Variants in PHACTR1 observed in about 807,000 individuals in gnomAD.
The protein encoded by PHACTR1 is RPEL repeat containing 1.
Under a neutral mutation model 69.2 loss-of-function variants are expected in PHACTR1, and 16 were observed. The observed-to-expected ratio is 0.23, with a 90% CI of 0.16 to 0.35. PHACTR1 has a LOEUF of 0.35. Ranked by LOEUF, PHACTR1 falls within the 10% of genes least tolerant of loss-of-function variation. PHACTR1 has a pLI of 1.00. For missense variants in PHACTR1, 510 were observed against 734.7 expected (o/e 0.69, Z 3.54); for synonymous variants, 312 against 284.5 (o/e 1.10, Z -0.97).
intron 4 of PHACTR1, among the ~76,000 whole-genome samples, chr6:12,826,376 C>T (rs752715349): frequency 2.6e-5 from 4 of 152,100 alleles, no homozygotes; most frequent in Admixed American, 6.5e-5. Flanking sequence ...TTTTTAGATG[C>T]GGTTACATAA....
At chr6:13,255,540 A>G (rs1775062436) in intron 10 of PHACTR1, among the ~76,000 whole-genome samples, 1 of 152,218 alleles carries the variant, frequency 6.6e-6, no homozygotes, top group Admixed American at 6.5e-5. Context: ...CTGCCTATGA[A>G]CCTGTAAAAT....
At chr6:12,902,525 T>G (rs1466258726) in intron 4 of PHACTR1, among the ~76,000 whole-genome samples, 1 of 152,182 alleles carries the variant, frequency 6.6e-6, no homozygotes, top group Non-Finnish European at 1.5e-5. Context: ...GTTCTTCCAT[T>G]GGATGAACAT....
chr6:12,728,028 A>C (rs1763017830), intron 3 of PHACTR1, among the ~76,000 whole-genome samples: 1 of 152,126 alleles, frequency 6.6e-6, no homozygotes, highest in Non-Finnish European at 1.5e-5. Flanking sequence ...AAAAAATGAG[A>C]GGGCCAGGCA....
At chr6:13,212,047 G>T (rs974978010) in intron 8 of PHACTR1, among the ~76,000 whole-genome samples, 7 of 152,184 alleles carry the variant, frequency 4.6e-5, no homozygotes, top group Admixed American at 3.3e-4. Context: ...TGGCTTGTAG[G>T]TGGTGTCTTC....
chr6:12,866,717 T>G (rs1188896443), intron 4 of PHACTR1, among the ~76,000 whole-genome samples: 1 of 152,202 alleles, frequency 6.6e-6, no homozygotes, highest in East Asian at 1.9e-4. Context: ...AAATAAAATA[T>G]TATGCAAGTT....
intron 4 of PHACTR1, among the ~76,000 whole-genome samples, chr6:12,962,487 G>A (rs1283635075): frequency 2.0e-5 from 3 of 152,144 alleles, no homozygotes; most frequent in African/African-American, 4.8e-5. Context: ...AGGGAACATG[G>A]TACAGCCTTA....
intron 5 of PHACTR1, among the ~76,000 whole-genome samples, chr6:13,102,575 G>A (rs1815345790): frequency 6.6e-6 from 1 of 152,124 alleles, no homozygotes; most frequent in Non-Finnish European, 1.5e-5. Flanking sequence ...GTCAATTTTG[G>A]TGTGGTTTCT....
At position 13,134,795 on chromosome 6, in the gene PHACTR1, TAAA is replaced by T. The variant is rs35318262; in HGVS notation, c.416-25384_416-25382del. Among the ~76,000 whole-genome samples the T allele has an allele frequency of 9.0e-4, 100 of 111,338 alleles. 1 individual carries two copies. Among genetic ancestry groups the T allele is most frequent in the African/African-American group, 2.4e-3 (63 of 25,720 alleles). The allele number at this position is 111,338 out of a possible 152,430, so 73.0% of individuals were successfully genotyped here. ...ACACCCAAGAATGATCAATAAATACTAAAAAAAAAAAAAAAAAAAAAAAAAAAT... is the reference window on the plus strand; with the variant it reads ...ACACCCAAGAATGATCAATAAATACTAAAAAAAAAAAAAAAAAAAAAAAAT... On this transcript the variant is annotated intron_variant, in intron 5 of 14. Transcript: ENST00000332995.
At chr6:12,889,942 C>T (rs745783793) in intron 4 of PHACTR1, among the ~76,000 whole-genome samples, 1 of 152,016 alleles carries the variant, frequency 6.6e-6, no homozygotes, top group African/African-American at 2.4e-5. Context: ...TCCAGGGCAC[C>T]CTCAAATCAC....
At chr6:13,040,520 C>T (rs1352496358) in intron 4 of PHACTR1, among the ~76,000 whole-genome samples, 1 of 152,142 alleles carries the variant, frequency 6.6e-6, no homozygotes, top group Admixed American at 6.5e-5. Flanking sequence ...AACAATTCAA[C>T]TTGGGGAAAA....
chr6:12,861,735 T>C (rs563625398), intron 4 of PHACTR1, among the ~76,000 whole-genome samples: 5 of 152,342 alleles, frequency 3.3e-5, no homozygotes, highest in African/African-American at 9.6e-5. Flanking sequence ...ATAAATACTA[T>C]GTAGGACATC....
chr6:13,153,716 C>T (rs533644651), intron 5 of PHACTR1, among the ~76,000 whole-genome samples: 17 of 152,302 alleles, frequency 1.1e-4, no homozygotes, highest in African/African-American at 4.1e-4. Context: ...CCTTGGCCAC[C>T]TTCTAAGCCA....
At chr6:12,831,273 G>A (rs1581975395) in intron 4 of PHACTR1, among the ~76,000 whole-genome samples, 1 of 152,014 alleles carries the variant, frequency 6.6e-6, no homozygotes, top group Admixed American at 6.5e-5. Context: ...TGAACACTGG[G>A]GTCTATAGTC....
intron 3 of PHACTR1, among the ~76,000 whole-genome samples, chr6:12,736,319 G>T (rs1046193031): frequency 5.9e-5 from 9 of 152,234 alleles, no homozygotes; most frequent in African/African-American, 1.9e-4. Flanking sequence ...TAGTGATGTT[G>T]TACTGGGTTT....
At chr6:13,256,722 C>T (rs1010656067) in intron 10 of PHACTR1, among the ~76,000 whole-genome samples, 2 of 152,212 alleles carry the variant, frequency 1.3e-5, no homozygotes, top group African/African-American at 4.8e-5. Context: ...ACAGAAGTGA[C>T]CTTTGCCCCA....
intron 4 of PHACTR1, among the ~76,000 whole-genome samples, chr6:12,822,563 A>G (rs1458656052): frequency 6.6e-6 from 1 of 152,164 alleles, no homozygotes; most frequent in East Asian, 1.9e-4. Flanking sequence ...AGCAACTAAT[A>G]TGTTCCTCGC....
In PHACTR1 at chr6:12,777,236, TA is replaced by T. The variant is rs1347928942; in HGVS notation, c.250+27447del. Among the ~76,000 whole-genome samples, 397 of 120,984 alleles carry T rather than the reference TA, an allele frequency of 3.3e-3. 1 individual carries two copies. The highest frequency in any genetic ancestry group is 7.5e-3 in the African/African-American group (210 of 27,934). 79.4% of individuals were successfully genotyped at this position (120,984 alleles called of 152,430 possible). A position where few individuals can be genotyped will look rare whatever the true frequency, so the allele number is the denominator to read the frequency against. ...GACTACGGTTTTATATATATATATA[TA>T]TATATTTTTTTAATTTTTATTTTAG... On this transcript the variant is annotated intron_variant, in intron 4 of 14. Coordinates refer to ENST00000332995, the MANE Select transcript of PHACTR1 (RefSeq NM_030948.6).
chr6:12,809,093 G>A (rs1047410595), intron 4 of PHACTR1, among the ~76,000 whole-genome samples: 1 of 151,894 alleles, frequency 6.6e-6, no homozygotes, highest in South Asian at 2.1e-4. Context: ...ACCCCATGTT[G>A]CCCAGGCTGG....
At chr6:12,836,091 T>C (rs1033513894) in intron 4 of PHACTR1, among the ~76,000 whole-genome samples, 1 of 152,184 alleles carries the variant, frequency 6.6e-6, no homozygotes, top group African/African-American at 2.4e-5. Context: ...GCTTTTGAAC[T>C]GAGTACCGAG....
Sources: gnomAD v4.1 joint callset for allele counts (sites outside exome capture counted in the v4.1 genomes callset) on GRCh38, gnomAD v4.1.1 for gene constraint, MANE v1.5 for transcripts, NCBI Gene and HGNC (gene_info 2026-07-23, HGNC 2026-07-21) for gene names.